Variants in BICDL1 observed in about 807,000 individuals in gnomAD.
BICDL1 encodes BICD family like cargo adaptor 1, also known as BICD family-like cargo adapter 1.
In BICDL1, 20 loss-of-function variants were observed where a neutral mutation model predicts 76.8. The observed-to-expected ratio is 0.26, with a 90% CI of 0.18 to 0.38. BICDL1 has a LOEUF of 0.38. Among genes scored for constraint, BICDL1 ranks in the 10% least tolerant of loss-of-function variants. The pLI is 1.00. For synonymous variants in BICDL1, 383 were observed against 337.1 expected (o/e 1.14, Z -1.49); for missense variants, 700 against 798.6 (o/e 0.88, Z 1.49).
chr12:120,067,515 T>A (rs1191616247), intron 4 of BICDL1, among the ~76,000 whole-genome samples: 3 of 152,258 alleles, frequency 2.0e-5, no homozygotes, highest in Non-Finnish European at 4.4e-5. Flanking sequence ...ATGTTTCTTA[T>A]TTTAAAGGGC....
intron 1 of BICDL1, 67 bp from the exon 2 acceptor site, chr12:119,998,454 G>A (rs1038155404): frequency 2.2e-5 from 31 of 1,415,736 alleles, no homozygotes; most frequent in Middle Eastern, 5.2e-4. Flanking sequence ...TTGGGACAGC[G>A]CGGAGAGAAA....
chr12:120,064,780 C>T lies in BICDL1; in HGVS notation c.810C>T (p.Ser270=), dbSNP rs187864837. The change falls in exon 4 of 10, where the codon AGC becomes AGT. Residue 270 remains serine, a synonymous_variant. Coordinates refer to ENST00000548673, the MANE Select transcript of BICDL1 (RefSeq NM_001367886.1). ...DRKRELEHRL[S]ATLEENDLLQ... is the part of the protein sequence containing the mutation. Reference sequence around the variant, plus strand: ...AACGGGAGCTGGAGCATCGTCTCAGCGCTACTTTAGAGGAAAATGACCTGC... The same window carrying T: ...AACGGGAGCTGGAGCATCGTCTCAGTGCTACTTTAGAGGAAAATGACCTGC... 9.1e-5 allele frequency: 147 copies of T among 1,613,600 alleles called. No individual in the cohort carries two copies. The East Asian group carries it at 1.4e-3, about 16-fold the overall frequency.
At chr12:120,067,119 A>G (rs1458146089) in intron 4 of BICDL1, among the ~76,000 whole-genome samples, 1 of 152,258 alleles carries the variant, frequency 6.6e-6, no homozygotes, top group East Asian at 1.9e-4. Context: ...TTGAACACCC[A>G]GTATATATCA....
chr12:120,007,874 C>T (rs1161157863), intron 2 of BICDL1, among the ~76,000 whole-genome samples: 1 of 152,206 alleles, frequency 6.6e-6, no homozygotes, highest in Non-Finnish European at 1.5e-5. Context: ...GAACACTTTA[C>T]AGTGAGCAAC....
Position 120,034,395 on chromosome 12 carries a change from A to G in BICDL1, c.646-27315A>G, listed in dbSNP as rs563790282. 9.2e-5 allele frequency among the ~76,000 whole-genome samples: 14 copies of G among 152,312 alleles called. 1 individual carries two copies. In the East Asian group the frequency reaches 1.7e-3, roughly 19 times the overall value. ...AACACAGAGGGGTTTTAGAGCGGCT[A>G]TCTAGCAAGTGGGTCTCCTTCCTTG... is the stretch of plus-strand genomic sequence containing the variant. On this transcript the variant is annotated intron_variant, in intron 2 of 9. Coordinates refer to ENST00000548673, the MANE Select transcript of BICDL1 (RefSeq NM_001367886.1).
At chr12:120,051,877 T>C (rs1277498863) in intron 2 of BICDL1, among the ~76,000 whole-genome samples, 1 of 152,168 alleles carries the variant, frequency 6.6e-6, no homozygotes, top group Non-Finnish European at 1.5e-5. Flanking sequence ...ATGTTGCACT[T>C]GGTTGTCATG....
chr12:120,034,940 C>T (rs1952502116), intron 2 of BICDL1, among the ~76,000 whole-genome samples: 1 of 152,218 alleles, frequency 6.6e-6, no homozygotes, highest in Admixed American at 6.5e-5. Context: ...CTTAGCTCCA[C>T]TTGCTGTGTG....
At chr12:120,016,375 CTTTCA>C (rs1387902904) in intron 2 of BICDL1, among the ~76,000 whole-genome samples, 1 of 148,322 alleles carries the variant, frequency 6.7e-6, no homozygotes, top group African/African-American at 2.5e-5. Context: ...TGGACTTACA[CTTTCA>C]TTTCTTTTGG....
At chr12:120,073,854 C>G (rs952241371) in intron 6 of BICDL1, among the ~76,000 whole-genome samples, 1 of 152,190 alleles carries the variant, frequency 6.6e-6, no homozygotes, top group Non-Finnish European at 1.5e-5. Flanking sequence ...GGCTTCCTTT[C>G]CCCCAAGCCT....
At chr12:119,990,408 G>A in intron 1 of BICDL1, 111 bp downstream of exon 1, 2 of 1,493,966 alleles carry the variant, frequency 1.3e-6, no homozygotes, top group Non-Finnish European at 1.8e-6. Context: ...ACCCTACCTC[G>A]CAGAAAATCT....
In BICDL1 at chr12:119,989,701, A is replaced by AG. The variant is rs1486208561; in HGVS notation, c.-164dup. ...GGGGCGCGTGCCGCCGGCGCGGGGG[A>AG]GGGGCGGGCCGGCGCGCGCCGCGCC... is the stretch of plus-strand genomic sequence containing the variant. On this transcript the variant is annotated 5_prime_UTR_variant, in exon 1 of 10. Transcript: ENST00000548673. Among the ~76,000 whole-genome samples, 2 of 141,344 alleles carry AG rather than the reference A, an allele frequency of 1.4e-5. No homozygotes were observed. The highest frequency in any genetic ancestry group is 5.1e-5 in the African/African-American group (2 of 38,888). The allele number at this position is 141,344 out of a possible 152,430, so 92.7% of individuals were successfully genotyped here.
At chr12:120,086,402 C>G (rs1874417883) in intron 8 of BICDL1, among the ~76,000 whole-genome samples, 1 of 152,242 alleles carries the variant, frequency 6.6e-6, no homozygotes. Flanking sequence ...ATCTCTGATT[C>G]TCCATCCTGG....
At chr12:120,032,530 A>G (rs1031924414) in intron 2 of BICDL1, among the ~76,000 whole-genome samples, 4 of 152,222 alleles carry the variant, frequency 2.6e-5, no homozygotes, top group African/African-American at 9.6e-5. Context: ...TGAAGTCACT[A>G]TCATTTATAT....
At chr12:120,063,677 A>G (rs1953155886) in intron 3 of BICDL1, among the ~76,000 whole-genome samples, 2 of 152,210 alleles carry the variant, frequency 1.3e-5, no homozygotes, top group Admixed American at 1.3e-4. Flanking sequence ...ATGTCAAGAA[A>G]ATATTTACAA....
intron 2 of BICDL1, chr12:120,018,984 G>T (rs1016460931): frequency 6.7e-6 from 1 of 149,822 alleles, no homozygotes; most frequent in South Asian, 2.1e-4. Flanking sequence ...GGCGGAGCTT[G>T]CAGTGAGCCG....
At chr12:119,990,351 C>T in intron 1 of BICDL1, 54 bp downstream of exon 1, 1 of 1,538,960 alleles carries the variant, frequency 6.5e-7, no homozygotes, top group Non-Finnish European at 8.7e-7. Flanking sequence ...CAGGCACGCG[C>T]CCGGCCCTGG....
At chr12:120,056,909 A>G (rs996219010) in intron 2 of BICDL1, 71 of 329,186 alleles carry the variant, frequency 2.2e-4, no homozygotes, top group Middle Eastern at 2.2e-3. Flanking sequence ...CTCCCAGCCG[A>G]CCGCCTGCCC....
intron 2 of BICDL1, among the ~76,000 whole-genome samples, chr12:120,058,197 G>T (rs1953022406): frequency 6.6e-6 from 1 of 152,178 alleles, no homozygotes; most frequent in African/African-American, 2.4e-5. Flanking sequence ...CTTTTGCTGT[G>T]CATATCCCTG....
intron 2 of BICDL1, among the ~76,000 whole-genome samples, chr12:120,011,026 C>T (rs1951942411): frequency 6.6e-6 from 1 of 152,224 alleles, no homozygotes; most frequent in Non-Finnish European, 1.5e-5. Flanking sequence ...ACGGATCAGT[C>T]ACCAACTTTT....
Sources: allele counts gnomAD v4.1 joint callset (sites outside exome capture counted in the v4.1 genomes callset), GRCh38; gene constraint gnomAD v4.1.1; transcripts MANE v1.5; gene names NCBI Gene and HGNC (gene_info 2026-07-23, HGNC 2026-07-21).